The following DENND1A variants were observed in gnomAD, a reference collection of about 807,000 sequenced individuals.
The protein encoded by DENND1A is DENN domain-containing protein 1A.
Under a neutral mutation model 113.7 loss-of-function variants are expected in DENND1A, and 51 were observed. The ratio of observed to expected loss-of-function variants is 0.45; its 90% confidence interval spans 0.36 to 0.57. The LOEUF is 0.57. Ranked by LOEUF, DENND1A falls within the 20% of genes least tolerant of loss-of-function variation. The pLI is 0.00. For synonymous variants in DENND1A, 565 were observed against 570.8 expected (o/e 0.99, Z 0.14); for missense variants, 1,258 against 1,395.9 (o/e 0.90, Z 1.57).
intron 13 of DENND1A, among the ~76,000 whole-genome samples, chr9:123,553,717 G>A (rs959084138): frequency 2.0e-5 from 3 of 152,126 alleles, no homozygotes; most frequent in Admixed American, 6.5e-5. Context: ...ACCTTGCGAC[G>A]ATAGGATTAT....
At chr9:123,777,509 C>G (rs1175231774) in intron 3 of DENND1A, among the ~76,000 whole-genome samples, 2 of 152,210 alleles carry the variant, frequency 1.3e-5, no homozygotes, top group Non-Finnish European at 2.9e-5. Context: ...TTAAAGGCTG[C>G]TAAAAGAAGC....
intron 12 of DENND1A, among the ~76,000 whole-genome samples, chr9:123,577,160 A>C (rs1024441341): frequency 1.3e-5 from 2 of 152,024 alleles, no homozygotes; most frequent in African/African-American, 4.8e-5. Context: ...AGTTTTGTTA[A>C]CTTTTTCCAG....
At chr9:123,518,294 T>C (rs1341569561) in intron 13 of DENND1A, among the ~76,000 whole-genome samples, 1 of 152,184 alleles carries the variant, frequency 6.6e-6, no homozygotes, top group Non-Finnish European at 1.5e-5. Context: ...TAACCCCATA[T>C]AAAGAAGGCA....
chr9:123,860,117 C>T (rs907495243), intron 2 of DENND1A, among the ~76,000 whole-genome samples: 12 of 152,152 alleles, frequency 7.9e-5, no homozygotes, highest in African/African-American at 2.9e-4. Flanking sequence ...GTGAGGGTGG[C>T]CACTTAACTT....
intron 2 of DENND1A, among the ~76,000 whole-genome samples, chr9:123,833,243 C>CTAA (rs1401936296): frequency 6.7e-6 from 1 of 149,894 alleles, no homozygotes. Context: ...AAGATGCTTA[C>CTAA]TAATGTTCTA....
chr9:123,928,835 A>G, intron 1 of DENND1A: 1 of 985,504 alleles, frequency 1.0e-6, no homozygotes, highest in Non-Finnish European at 1.2e-6. Flanking sequence ...TGAAATAAAC[A>G]CATTCCACAA....
At chr9:123,397,657 A>G (rs1588318289) in intron 21 of DENND1A, among the ~76,000 whole-genome samples, 1 of 152,246 alleles carries the variant, frequency 6.6e-6, no homozygotes, top group Non-Finnish European at 1.5e-5. Context: ...AGCTCTATAA[A>G]AGACATGCAG....
chr9:123,792,846 G>A (rs1833205145), intron 2 of DENND1A, among the ~76,000 whole-genome samples: 1 of 152,192 alleles, frequency 6.6e-6, no homozygotes, highest in Admixed American at 6.5e-5. Flanking sequence ...TTAAAGACCT[G>A]ATGCTACTGT....
intron 4 of DENND1A, among the ~76,000 whole-genome samples, chr9:123,769,175 T>C (rs891839543): frequency 6.6e-6 from 1 of 152,206 alleles, no homozygotes; most frequent in Non-Finnish European, 1.5e-5. Context: ...TAATATTACT[T>C]GTTTAAGCCA....
intron 5 of DENND1A, among the ~76,000 whole-genome samples, chr9:123,701,545 G>A (rs2065885364): frequency 6.6e-6 from 1 of 152,152 alleles, no homozygotes; most frequent in Non-Finnish European, 1.5e-5. Flanking sequence ...CCTGTGAACT[G>A]AGCTTCTAGA....
chr9:123,732,926 C>T (rs973805923), intron 5 of DENND1A, among the ~76,000 whole-genome samples: 11 of 152,130 alleles, frequency 7.2e-5, no homozygotes, highest in Non-Finnish European at 1.2e-4. Flanking sequence ...AATGAGAGAG[C>T]GCATGGACAG....
chr9:123,525,383 C>T (rs945464269), intron 13 of DENND1A, among the ~76,000 whole-genome samples: 5 of 152,174 alleles, frequency 3.3e-5, no homozygotes, highest in Non-Finnish European at 7.3e-5. Flanking sequence ...AGAATCCCAG[C>T]CTCTTTTTTC....
chr9:123,819,190 A>G (rs1035447195), intron 2 of DENND1A, among the ~76,000 whole-genome samples: 1 of 152,222 alleles, frequency 6.6e-6, no homozygotes, highest in African/African-American at 2.4e-5. Context: ...TTTAAAAGGA[A>G]TGTTACTATA....
intron 19 of DENND1A, among the ~76,000 whole-genome samples, chr9:123,423,527 G>A (rs1050979177): frequency 2.8e-4 from 42 of 152,106 alleles, no homozygotes; most frequent in Non-Finnish European, 1.8e-4. Context: ...AGGCCTCAAG[G>A]TCAGCGTGCA....
At chr9:123,636,984 C>T (rs1395547788) in intron 9 of DENND1A, among the ~76,000 whole-genome samples, 1 of 152,212 alleles carries the variant, frequency 6.6e-6, no homozygotes, top group Non-Finnish European at 1.5e-5. Flanking sequence ...GCCACCGCGC[C>T]CGGCCCCAGA....
At chr9:123,648,935 GCT>G (rs1349882726) in intron 9 of DENND1A, among the ~76,000 whole-genome samples, 1 of 152,032 alleles carries the variant, frequency 6.6e-6, no homozygotes, top group African/African-American at 2.4e-5. Flanking sequence ...CTGTTTTTGG[GCT>G]CTCTATTCTG....
chr9:123,850,583 C>G (rs914119950), intron 2 of DENND1A, among the ~76,000 whole-genome samples: 4 of 152,104 alleles, frequency 2.6e-5, no homozygotes, highest in African/African-American at 9.7e-5. Flanking sequence ...TATTAGTTAA[C>G]ATTATGGACA....
At chr9:123,467,335 G>T (rs1385343625) in intron 13 of DENND1A, among the ~76,000 whole-genome samples, 3 of 152,160 alleles carry the variant, frequency 2.0e-5, no homozygotes. Flanking sequence ...CTTTGCCAAT[G>T]TCCTTACTCT....
chr9:123,404,132 T>A (rs1160717337), intron 20 of DENND1A, among the ~76,000 whole-genome samples: 1 of 152,170 alleles, frequency 6.6e-6, no homozygotes, highest in Non-Finnish European at 1.5e-5. Context: ...GGGTCTGCAG[T>A]GGGCACATCA....
Sources: gnomAD v4.1 joint callset for allele counts (sites outside exome capture counted in the v4.1 genomes callset) on GRCh38, gnomAD v4.1.1 for gene constraint, MANE v1.5 for transcripts, NCBI Gene and HGNC (gene_info 2026-07-23, HGNC 2026-07-21) for gene names.